Variants in CPXM2 observed in about 807,000 individuals in gnomAD.
The protein encoded by CPXM2 is inactive carboxypeptidase-like protein X2.
A neutral mutation model predicts 86.1 loss-of-function variants in CPXM2; 66 were observed. The ratio of observed to expected loss-of-function variants is 0.77; its 90% confidence interval spans 0.63 to 0.94. CPXM2 has a LOEUF of 0.94. CPXM2 is among the 40% of genes least tolerant of loss of function. The pLI, the probability that CPXM2 is intolerant of heterozygous loss-of-function variation, is 0.00. For synonymous variants in CPXM2, 388 were observed against 400.2 expected (o/e 0.97, Z 0.36); for missense variants, 948 against 1,026.3 (o/e 0.92, Z 1.04).
chr10:123,857,578 AGATGGAAGGCGGCG>A (rs1848755650), intron 3 of CPXM2, among the ~76,000 whole-genome samples: 14 of 125,652 alleles, frequency 1.1e-4, no homozygotes, highest in Non-Finnish European at 2.0e-4. Flanking sequence ...GGCGGCGTGG[AGATGGAAGGCGGCG>A]TGGAGATGGA....
chr10:123,840,048 T>A (rs1029786188), intron 4 of CPXM2, among the ~76,000 whole-genome samples: 1 of 152,230 alleles, frequency 6.6e-6, no homozygotes, highest in Non-Finnish European at 1.5e-5. Flanking sequence ...GCTTTATACC[T>A]ACCTTTCACT....
At chr10:123,837,687 T>G (rs1012695459) in intron 4 of CPXM2, among the ~76,000 whole-genome samples, 2 of 152,232 alleles carry the variant, frequency 1.3e-5, no homozygotes, top group African/African-American at 4.8e-5. Flanking sequence ...TATAAATTAT[T>G]CAATATCATT....
chr10:123,852,294 T>C (rs1263369585), intron 3 of CPXM2, among the ~76,000 whole-genome samples: 1 of 152,152 alleles, frequency 6.6e-6, no homozygotes, highest in Non-Finnish European at 1.5e-5. Flanking sequence ...TTATCAGAGT[T>C]GCAGGTTAAA....
At chr10:123,869,094 T>C (rs1223996799) in intron 2 of CPXM2, among the ~76,000 whole-genome samples, 2 of 152,196 alleles carry the variant, frequency 1.3e-5, no homozygotes, top group Non-Finnish European at 2.9e-5. Context: ...TAAATATCTG[T>C]AATCAGAGAT....
intron 4 of CPXM2, among the ~76,000 whole-genome samples, chr10:123,804,866 A>C (rs555340502): frequency 6.6e-6 from 1 of 152,270 alleles, no homozygotes; most frequent in African/African-American, 2.4e-5. Flanking sequence ...ATTTTAATCA[A>C]GTATGAGTTC....
chr10:123,825,835 C>T (rs530529742), intron 4 of CPXM2, among the ~76,000 whole-genome samples: 3 of 152,264 alleles, frequency 2.0e-5, no homozygotes, highest in African/African-American at 7.2e-5. Context: ...CCCAAAGAAG[C>T]TCCCTTACTT....
chr10:123,766,133 C>T (rs12266074), intron 10 of CPXM2, among the ~76,000 whole-genome samples: 4,973 of 152,180 alleles, frequency 0.033, 117 homozygotes, highest in Non-Finnish European at 0.047. Context: ...CCTTCAGAGA[C>T]GTGACAGCTG....
chr10:123,769,411 C>G (rs1409398034), intron 8 of CPXM2: 1 of 152,128 alleles, frequency 6.6e-6, no homozygotes, highest in Admixed American at 6.6e-5. Flanking sequence ...CCTAACTCTA[C>G]AAAAATCAAA....
Position 123,891,503 on chromosome 10 carries a change from CGGGCTCCGGGCGCGCGTAGTA to C in CPXM2, c.136_156del (p.Tyr46_Pro52del). The C allele has an allele frequency of 6.5e-7, 1 of 1,547,552 alleles. No individual in the cohort carries two copies. The highest frequency in any genetic ancestry group is 8.7e-7 in the Non-Finnish European group (1 of 1,145,160). On this transcript the variant is annotated inframe_deletion, in exon 1 of 14. Coordinates refer to ENST00000241305, the MANE Select transcript of CPXM2 (RefSeq NM_198148.3). The surrounding 1 kb of genome is among the most constrained non-coding windows in gnomAD (Gnocchi z 5.6). ...AGCGGCGGAGAGAAGGTCTCGAGCTCGGGCTCCGGGCGCGCGTAGTAGGGCTCCCGGCTCCAGATCTCCTGC... is the reference window on the plus strand; with the variant it reads ...AGCGGCGGAGAGAAGGTCTCGAGCTCGGGCTCCCGGCTCCAGATCTCCTGC...
intron 3 of CPXM2, among the ~76,000 whole-genome samples, chr10:123,851,231 T>A (rs1239705676): frequency 6.6e-6 from 1 of 152,202 alleles, no homozygotes; most frequent in East Asian, 1.9e-4. Flanking sequence ...TTGCACATAC[T>A]CTTCTCTTTG....
At chr10:123,821,753 C>T (rs1471882313) in intron 4 of CPXM2, among the ~76,000 whole-genome samples, 1 of 152,130 alleles carries the variant, frequency 6.6e-6, no homozygotes, top group Non-Finnish European at 1.5e-5. Context: ...AAGGATGCTG[C>T]TAAAAACCTC....
At chr10:123,786,745 C>A (rs1847065400) in intron 6 of CPXM2, among the ~76,000 whole-genome samples, 1 of 152,116 alleles carries the variant, frequency 6.6e-6, no homozygotes, top group Non-Finnish European at 1.5e-5. Flanking sequence ...AAGACAAGAT[C>A]CTTCCAGGCA....
At chr10:123,911,931 G>A (rs1945491733) in intron 2 of CPXM2, among the ~76,000 whole-genome samples, 1 of 152,118 alleles carries the variant, frequency 6.6e-6, no homozygotes, top group Admixed American at 6.5e-5. Context: ...CAGAAGGAGA[G>A]ACTGAGGCAA....
chr10:123,846,367 T>C (rs552039297), intron 3 of CPXM2, among the ~76,000 whole-genome samples: 32 of 152,298 alleles, frequency 2.1e-4, no homozygotes, highest in Admixed American at 1.0e-3. Flanking sequence ...AGATCCCCTA[T>C]ATGCACAGTT....
At chr10:123,863,307 C>T (rs1371673164) in intron 2 of CPXM2, among the ~76,000 whole-genome samples, 1 of 152,180 alleles carries the variant, frequency 6.6e-6, no homozygotes, top group Non-Finnish European at 1.5e-5. Flanking sequence ...CTGTTTGCCC[C>T]CACGCCCACC....
At chr10:123,877,223 A>G (rs1945003131) in intron 2 of CPXM2, among the ~76,000 whole-genome samples, 1 of 152,232 alleles carries the variant, frequency 6.6e-6, no homozygotes, top group East Asian at 1.9e-4. Context: ...CATTGCAACA[A>G]AAGCTGTTTA....
Position 123,770,967 on chromosome 10 carries a change from G to C in CPXM2, c.1051C>G (p.Leu351Val). ...GAGATCTCCACAGCATACAGCTTCA[G>C]GCCCTGGTGGCTTTTTCCAATGTTG... ...IYNIGKSHQG[L>V]KLYAVEISDH... Residue 351 changes from leucine to valine, a missense_variant, in exon 8 of 14, where the codon CTG (leucine) becomes GTG (valine). Transcript: ENST00000241305. 1 of 1,614,092 alleles carries C rather than the reference G, an allele frequency of 6.2e-7. No homozygotes were observed. The highest frequency in any genetic ancestry group is 8.5e-7 in the Non-Finnish European group (1 of 1,179,936).
At chr10:123,760,810 A>G (rs1002900733) in intron 11 of CPXM2, among the ~76,000 whole-genome samples, 1 of 152,044 alleles carries the variant, frequency 6.6e-6, no homozygotes, top group African/African-American at 2.4e-5. Context: ...CTTCATCATC[A>G]TGCCCGTTTT....
chr10:123,757,111 G>T, intron 12 of CPXM2, 102 bp downstream of exon 12: 2 of 1,110,856 alleles, frequency 1.8e-6, no homozygotes, highest in Non-Finnish European at 2.7e-6. Flanking sequence ...CAGGATGACG[G>T]CCAAGGTCTG....
Sources: gnomAD v4.1 joint callset for allele counts (sites outside exome capture counted in the v4.1 genomes callset) on GRCh38, gnomAD v4.1.1 for gene constraint, Gnocchi (gnomAD v3.1) non-coding constraint, MANE v1.5 for transcripts, NCBI Gene and HGNC (gene_info 2026-07-23, HGNC 2026-07-21) for gene names.